Variants in STAT4 observed in about 807,000 individuals in gnomAD.
STAT4 encodes signal transducer and activator of transcription 4.
STAT4 carries 42 observed loss-of-function variants against 110.5 expected under a neutral mutation model. The ratio of observed to expected loss-of-function variants is 0.38; its 90% CI spans 0.30 to 0.49. The LOEUF (loss-of-function observed/expected upper bound fraction) is 0.49, where lower values mean the gene tolerates loss of function less well. Among genes scored for constraint, STAT4 ranks in the 20% least tolerant of loss-of-function variants. STAT4 has a pLI of 0.95. For synonymous variants in STAT4, 284 were observed against 302.2 expected, an observed-to-expected ratio of 0.94 and a Z score of 0.63; for missense variants, 632 against 887.9, an observed-to-expected ratio of 0.71 and a Z score of 3.66.
rs146476193 is a variant in STAT4 at position 191,073,762 on chromosome 2, C to T, written c.373-572G>A. ...ATATATATGATCTCTATTGCTTGAA[C>T]ATATATGCGCATGTATGTATAAATA... On this transcript the variant is annotated intron_variant, in intron 4 of 23. Transcript: ENST00000392320. 2.9e-3 allele frequency among the ~76,000 whole-genome samples: 449 copies of T among 152,254 alleles called. 1 individual carries two copies. Among genetic ancestry groups the T allele is most frequent in the Non-Finnish European group, 4.7e-3 (322 of 68,016 alleles).
At position 191,150,773 on chromosome 2, in the gene STAT4, G is replaced by C. The variant is rs909440046; in HGVS notation, c.-2+174C>G. ...GGTTTCCGCGGAGAACCCGTGCCAG[G>C]GCGCATCTGTGGGTCGTGGAGTCGG... On this transcript the variant is annotated intron_variant, in intron 1 of 23. Coordinates refer to ENST00000392320, the MANE Select transcript of STAT4 (RefSeq NM_003151.4). This position sits in a 1 kb window ranked among gnomAD's most constrained non-coding sequence, Gnocchi z 6.4. 6.6e-6 allele frequency among the ~76,000 whole-genome samples: 1 copy of C among 152,172 alleles called. No individual in the cohort carries two copies. Among genetic ancestry groups the C allele is most frequent in the Non-Finnish European group, 1.5e-5 (1 of 68,028 alleles).
In STAT4 at chr2:191,029,908, T is replaced by C; in HGVS notation, c.2221-42A>G. 6.8e-7 allele frequency: 1 copy of C among 1,473,864 alleles called. No homozygotes were observed. Among genetic ancestry groups the C allele is most frequent in the South Asian group, 1.2e-5 (1 of 82,702 alleles). The allele number at this position is 1,473,864 out of a possible 1,614,324, so 91.3% of individuals were successfully genotyped here. On this transcript the variant is annotated intron_variant, in intron 23 of 23. Transcript: ENST00000392320. This position sits in a 1 kb window ranked among gnomAD's most constrained non-coding sequence, Gnocchi z 4.5. ...AAATAATCTTTGAGGAAACTACTGG[T>C]TTTCAAATCAATCACTATTTCTTGG...
rs781395541 is a variant in STAT4, at chr2:191,064,898, G to T, written c.691C>A (p.Leu231Ile). 1 of 1,613,214 alleles carries T rather than the reference G, an allele frequency of 6.2e-7. No homozygotes were observed. Among genetic ancestry groups the T allele is most frequent in the South Asian group, 1.1e-5 (1 of 90,952 alleles). The change falls in exon 8 of 24, where the codon CTC (leucine) becomes ATC (isoleucine). Residue 231 changes from leucine to isoleucine, a missense_variant. Physicochemically the swap from Leu to Ile is conservative, Grantham distance 5. Coordinates refer to ENST00000392320, the MANE Select transcript of STAT4 (RefSeq NM_003151.4). ...TTCCAGTCTTGCAGCTCTTCTATGA[G>T]CATGGTGTTCATTAACAGGTCTGTC... ...HETDLLMNTM[L>I]IEELQDWKRR...
intron 3 of STAT4, among the ~76,000 whole-genome samples, chr2:191,136,659 G>A (rs565940975): frequency 1.3e-5 from 2 of 152,318 alleles, no homozygotes; most frequent in South Asian, 2.1e-4. Flanking sequence ...GCTGATGCAG[G>A]AGAATTGCTT....
chr2:191,138,163 A>G lies in STAT4; in HGVS notation c.273+8450T>C, dbSNP rs1172882675. On this transcript the variant is annotated intron_variant, in intron 3 of 23. Coordinates refer to ENST00000392320, the MANE Select transcript of STAT4 (RefSeq NM_003151.4). The surrounding 1 kb of genome is among the most constrained non-coding windows in gnomAD (Gnocchi z 4.3). ...AAAGGAACTCAAACTATTCAACAGTAAAAACCAAATAATCCCATTAAAAAG... is the reference window on the plus strand; with the variant it reads ...AAAGGAACTCAAACTATTCAACAGTGAAAACCAAATAATCCCATTAAAAAG... Among the ~76,000 whole-genome samples, 1 of 152,176 alleles carries G rather than the reference A, an allele frequency of 6.6e-6. No homozygotes were observed. Among genetic ancestry groups the G allele is most frequent in the Non-Finnish European group, 1.5e-5 (1 of 68,024 alleles).
At position 191,052,286 on chromosome 2, in the gene STAT4, G is replaced by A. The variant is rs569160771; in HGVS notation, c.1251+2204C>T. On this transcript the variant is annotated intron_variant, in intron 14 of 23. Transcript: ENST00000392320. Reference sequence around the variant, plus strand: ...ACTGTTACTGCTGCACACAAGACACGGTTCAATCTGTGGTTTGTTTTTAAA... The same window carrying A: ...ACTGTTACTGCTGCACACAAGACACAGTTCAATCTGTGGTTTGTTTTTAAA... 3.7e-4 allele frequency among the ~76,000 whole-genome samples: 57 copies of A among 152,236 alleles called. 2 individuals are homozygous for A. The South Asian group carries it at 8.5e-3, about 23-fold the overall frequency.
intron 3 of STAT4, among the ~76,000 whole-genome samples, chr2:191,130,610 T>C (rs1431345912): frequency 1.3e-5 from 2 of 151,724 alleles, no homozygotes; most frequent in African/African-American, 4.9e-5. Flanking sequence ...TTCATTTGCT[T>C]TTTAAATTTA....
At chr2:191,108,268 G>A (rs760753825) in intron 3 of STAT4, among the ~76,000 whole-genome samples, 25 of 150,482 alleles carry the variant, frequency 1.7e-4, no homozygotes, top group Non-Finnish European at 2.1e-4. Context: ...TCCAGCCTGG[G>A]TGACAGATTG....
At chr2:191,128,286 A>G (rs1304199781) in intron 3 of STAT4, among the ~76,000 whole-genome samples, 1 of 152,202 alleles carries the variant, frequency 6.6e-6, no homozygotes, top group African/African-American at 2.4e-5. Context: ...CAGAGTTAAC[A>G]CAGAGTGGCT....
Position 191,033,793 on chromosome 2 carries a change from G to A in STAT4, c.1715+118C>T. 7.5e-7 allele frequency: 1 copy of A among 1,327,086 alleles called. No individual in the cohort carries two copies. The highest frequency in any genetic ancestry group is 1.0e-6 in the Non-Finnish European group (1 of 968,286). The allele number at this position is 1,327,086 out of a possible 1,614,324, so 82.2% of individuals were successfully genotyped here. On this transcript the variant is annotated intron_variant, in intron 19 of 23. Coordinates refer to ENST00000392320, the MANE Select transcript of STAT4 (RefSeq NM_003151.4). This position sits in a 1 kb window ranked among gnomAD's most constrained non-coding sequence, Gnocchi z 6.9. The stretch of plus-strand genomic sequence containing the variant: ...GCCACTCCACAAAGAATAAGAAATT[G>A]CAACTATTTTTTTCTGTGGTACTAA...
intron 14 of STAT4, 38 bp from the exon 15 acceptor site, chr2:191,041,186 C>T (rs780348836): frequency 8.2e-7 from 1 of 1,222,854 alleles, no homozygotes; most frequent in Admixed American, 2.8e-5. Context: ...CTCACAAATG[C>T]ATACTCACTA....
intron 13 of STAT4, among the ~76,000 whole-genome samples, chr2:191,055,741 A>G (rs2125211623): frequency 6.6e-6 from 1 of 152,364 alleles, no homozygotes; most frequent in Admixed American, 6.5e-5. Context: ...GCAAGAGCAA[A>G]AGACCACTGT....
Position 191,039,061 on chromosome 2 carries a change from T to C in STAT4, c.1434+138A>G. On this transcript the variant is annotated intron_variant, in intron 16 of 23. Coordinates refer to ENST00000392320, the MANE Select transcript of STAT4 (RefSeq NM_003151.4). This position sits in a 1 kb window ranked among gnomAD's most constrained non-coding sequence, Gnocchi z 4.7. ...TTTAAATATGACATGAGAGGAAACA[T>C]ACAACTAGAAATACTACAAATAAAG... The C allele has an allele frequency of 1.4e-6, 1 of 709,458 alleles. No individual in the cohort carries two copies. The highest frequency in any genetic ancestry group is 2.2e-5 in the Admixed American group (1 of 45,672). 43.9% of individuals were successfully genotyped at this position (709,458 alleles called of 1,614,324 possible).
chr2:191,125,373 G>A (rs1698849328), intron 3 of STAT4, among the ~76,000 whole-genome samples: 1 of 151,950 alleles, frequency 6.6e-6, no homozygotes, highest in Non-Finnish European at 1.5e-5. Flanking sequence ...CCCACTGGAG[G>A]TGAGATCACT....
rs1283933514 is a variant in STAT4, at chr2:191,107,761, C to T, written c.274-31436G>A. 2.6e-5 allele frequency among the ~76,000 whole-genome samples: 4 copies of T among 152,164 alleles called. No individual in the cohort carries two copies. Among genetic ancestry groups the T allele is most frequent in the Non-Finnish European group, 5.9e-5 (4 of 68,028 alleles). On this transcript the variant is annotated intron_variant, in intron 3 of 23. Transcript: ENST00000392320. This position sits in a 1 kb window ranked among gnomAD's most constrained non-coding sequence, Gnocchi z 4.2. Reference sequence around the variant, plus strand: ...TTTTTCAACCCAGATTACTACCATACCTTCCTGATGTCCTAACGTATGGTC... The same window carrying T: ...TTTTTCAACCCAGATTACTACCATATCTTCCTGATGTCCTAACGTATGGTC...
In STAT4 at chr2:191,046,395, C is replaced by T. The variant is rs1559042526; in HGVS notation, c.1252-5247G>A. Among the ~76,000 whole-genome samples, 1 of 152,190 alleles carries T rather than the reference C, an allele frequency of 6.6e-6. No homozygotes were observed. The highest frequency in any genetic ancestry group is 1.5e-5 in the Non-Finnish European group (1 of 68,050). ...CCATTGCCTGTCCCCTTTGCTTCTA[C>T]CTCTGTGAAGGGCCTCGCATGACCA... On this transcript the variant is annotated intron_variant, in intron 14 of 23. Coordinates refer to ENST00000392320, the MANE Select transcript of STAT4 (RefSeq NM_003151.4). The surrounding 1 kb of genome is among the most constrained non-coding windows in gnomAD (Gnocchi z 4.6).
Position 191,057,583 on chromosome 2 carries a change from T to TC in STAT4, c.1206+434_1206+435insG, listed in dbSNP as rs1696735470. 1.8e-3 allele frequency among the ~76,000 whole-genome samples: 5 copies of TC among 2,834 alleles called. No individual in the cohort carries two copies. In the Admixed American group the frequency reaches 0.062, roughly 35 times the overall value. The allele number at this position is 2,834 out of a possible 152,430, so 1.9% of individuals were successfully genotyped here. On this transcript the variant is annotated intron_variant, in intron 13 of 23. Coordinates refer to ENST00000392320, the MANE Select transcript of STAT4 (RefSeq NM_003151.4). ...CAGCATGGTTCCTAATTTCTTTTCT[T>TC]TTTTTTTTTTTTCTTTTTCTTTTTT...
At chr2:191,132,397 A>G (rs1170725149) in intron 3 of STAT4, among the ~76,000 whole-genome samples, 2 of 151,802 alleles carry the variant, frequency 1.3e-5, no homozygotes, top group Non-Finnish European at 2.9e-5. Context: ...ACGTCCTCAA[A>G]GATTACAGCA....
chr2:191,122,494 C>T (rs1698765946), intron 3 of STAT4, among the ~76,000 whole-genome samples: 1 of 152,066 alleles, frequency 6.6e-6, no homozygotes, highest in African/African-American at 2.4e-5. Context: ...AGCCATTGTA[C>T]CTCTGGGAAT....
Sources: allele counts gnomAD v4.1 joint callset (sites outside exome capture counted in the v4.1 genomes callset), GRCh38; gene constraint gnomAD v4.1.1; non-coding constraint Gnocchi (gnomAD v3.1); transcripts MANE v1.5; gene names NCBI Gene and HGNC (gene_info 2026-07-23, HGNC 2026-07-21).